The following TTYH3 variants were observed in gnomAD, a reference collection of about 807,000 sequenced individuals.
The protein encoded by TTYH3 is protein tweety homolog 3.
TTYH3 carries 23 observed loss-of-function variants against 68.2 expected under a neutral mutation model. The observed-to-expected ratio is 0.34, with a 90% confidence interval of 0.24 to 0.48. TTYH3 has a LOEUF of 0.48. Among genes scored for constraint, TTYH3 ranks in the 20% least tolerant of loss-of-function variants. The probability of loss-of-function intolerance (pLI) is 0.99; values close to 1 mark genes in which losing one functional copy is unlikely to be tolerated. For synonymous variants in TTYH3, 360 were observed against 332.8 expected (o/e 1.08, Z -0.89); for missense variants, 768 against 727.7 (o/e 1.06, Z -0.64).
intron 13 of TTYH3, among the ~76,000 whole-genome samples, chr7:2,659,686 G>A (rs943734237): frequency 2.6e-5 from 4 of 152,166 alleles, no homozygotes; most frequent in Non-Finnish European, 5.9e-5. Flanking sequence ...GAGGCCGAAG[G>A]CTGCCTTGCT....
At chr7:2,655,465 T>C (rs146877403) in intron 9 of TTYH3, among the ~76,000 whole-genome samples, 8 of 152,264 alleles carry the variant, frequency 5.3e-5, no homozygotes, top group Admixed American at 5.2e-4. Context: ...ATTTCAGGAT[T>C]GTAGTGGGTC....
chr7:2,639,403 G>A (rs567122893), intron 1 of TTYH3, among the ~76,000 whole-genome samples: 1 of 152,168 alleles, frequency 6.6e-6, no homozygotes, highest in Non-Finnish European at 1.5e-5. Context: ...CGGTACCCAC[G>A]ATGCTCCCCA....
In TTYH3 at chr7:2,645,953, T is replaced by A. The variant is rs943287040; in HGVS notation, c.124-900T>A. On this transcript the variant is annotated intron_variant, in intron 1 of 13. Coordinates refer to ENST00000258796, the MANE Select transcript of TTYH3 (RefSeq NM_025250.3). This position sits in a 1 kb window ranked among gnomAD's most constrained non-coding sequence, Gnocchi z 4.8. ...TCCTGGGGCTGTCTCGGGCTGGGGG[T>A]GAGGACAGTAGCTGATGCCGGCAGC... 2 of 422,572 alleles carry A rather than the reference T, an allele frequency of 4.7e-6. No homozygotes were observed. The highest frequency in any genetic ancestry group is 9.8e-6 in the Non-Finnish European group (2 of 204,044). 26.2% of individuals were successfully genotyped at this position (422,572 alleles called of 1,614,324 possible).
Position 2,632,037 on chromosome 7 carries a change from G to T in TTYH3, c.-119G>T, listed in dbSNP as rs1291901393. 1 of 937,266 alleles carries T rather than the reference G, an allele frequency of 1.1e-6. No individual in the cohort carries two copies. Among genetic ancestry groups the T allele is most frequent in the Admixed American group, 5.0e-5 (1 of 20,082 alleles). 58.1% of individuals were successfully genotyped at this position (937,266 alleles called of 1,614,324 possible). On this transcript the variant is annotated 5_prime_UTR_variant, in exon 1 of 14. Coordinates refer to ENST00000258796, the MANE Select transcript of TTYH3 (RefSeq NM_025250.3). ...CCGAGCCGGGCCGGGCCGGGCCCAG[G>T]AGCGCGCGGATGATGCGGGCGGCCA...
chr7:2,661,052 G>A (rs184123442), intron 13 of TTYH3, among the ~76,000 whole-genome samples: 1 of 125,688 alleles, frequency 8.0e-6, no homozygotes, highest in Non-Finnish European at 1.7e-5. Flanking sequence ...ACCCCCAGGA[G>A]CCCACAGTTG....
chr7:2,655,441 C>T (rs1021990392), intron 9 of TTYH3, among the ~76,000 whole-genome samples: 3 of 152,218 alleles, frequency 2.0e-5, no homozygotes, highest in South Asian at 2.1e-4. Flanking sequence ...CCACCGCTCC[C>T]GGCCCCAAAA....
At position 2,646,966 on chromosome 7, in the gene TTYH3, G is replaced by GGAC. The variant is rs1487904936; in HGVS notation, c.239_241dup (p.Asp80dup). ...GGCGGCGCAAGAGCGAGGAGCACCT[G>GGAC]GACGCCGACTGCTGCTGCACGGCCT... On this transcript the variant is annotated inframe_insertion, in exon 2 of 14. Transcript: ENST00000258796. 7 of 1,597,764 alleles carry GGAC rather than the reference G, an allele frequency of 4.4e-6. No individual in the cohort carries two copies. The highest frequency in any genetic ancestry group is 1.3e-5 in the African/African-American group (1 of 74,862).
At chr7:2,659,389 T>C (rs903179019) in intron 13 of TTYH3, among the ~76,000 whole-genome samples, 32 of 152,176 alleles carry the variant, frequency 2.1e-4, no homozygotes, top group Non-Finnish European at 3.8e-4. Context: ...GGCACGGCCC[T>C]GCACCAGGCC....
chr7:2,659,927 C>G, intron 13 of TTYH3: 1 of 1,302,234 alleles, frequency 7.7e-7, no homozygotes, highest in Non-Finnish European at 1.0e-6. Context: ...CCACCCACCC[C>G]GGGCCCTCCT....
chr7:2,634,685 C>T (rs961316281), intron 1 of TTYH3, among the ~76,000 whole-genome samples: 5 of 152,238 alleles, frequency 3.3e-5, no homozygotes, highest in African/African-American at 9.6e-5. Context: ...GTGAAACCCC[C>T]GGAGGGACCA....
chr7:2,656,632 C>G, intron 11 of TTYH3, 98 bp downstream of exon 11: 1 of 1,440,112 alleles, frequency 6.9e-7, no homozygotes, highest in Non-Finnish European at 9.2e-7. Context: ...GTGCCAGTCC[C>G]AGAGGTGAGG....
intron 1 of TTYH3, among the ~76,000 whole-genome samples, chr7:2,646,107 C>T (rs1010559729): frequency 3.3e-5 from 5 of 152,104 alleles, no homozygotes; most frequent in South Asian, 4.1e-4. Context: ...CTCCGCCACC[C>T]GGGTTCAAGT....
chr7:2,636,935 G>A (rs532066394), intron 1 of TTYH3, among the ~76,000 whole-genome samples: 1 of 152,284 alleles, frequency 6.6e-6, no homozygotes, highest in East Asian at 1.9e-4. Flanking sequence ...GGGTTCTCAA[G>A]CCCCTTCCTT....
chr7:2,662,744 C>T lies in TTYH3; in HGVS notation c.*1005C>T, dbSNP rs1169928511. On this transcript the variant is annotated 3_prime_UTR_variant, in exon 14 of 14. Coordinates refer to ENST00000258796, the MANE Select transcript of TTYH3 (RefSeq NM_025250.3). ...TGGGACTAACCACTAACCTCACCCC[C>T]AAACTCCACGGGTGCCCCTAGCTGG... is the stretch of plus-strand genomic sequence containing the variant. 6.5e-6 allele frequency: 1 copy of T among 152,860 alleles called. No homozygotes were observed. The highest frequency in any genetic ancestry group is 2.4e-5 in the African/African-American group (1 of 41,464). The allele number at this position is 152,860 out of a possible 1,614,324, so 9.5% of individuals were successfully genotyped here. A position where few individuals can be genotyped will look rare whatever the true frequency, so the allele number is the denominator to read the frequency against.
At position 2,658,728 on chromosome 7, in the gene TTYH3, C is replaced by T. The variant is rs188867007; in HGVS notation, c.1425-212C>T. Reference sequence around the variant, plus strand: ...CCAGCTACATGGTGAACAGGTGGCTCGGAGGGAGTGGACTCTGGCTGGGCC... The same window carrying T: ...CCAGCTACATGGTGAACAGGTGGCTTGGAGGGAGTGGACTCTGGCTGGGCC... On this transcript the variant is annotated intron_variant, in intron 12 of 13. Coordinates refer to ENST00000258796, the MANE Select transcript of TTYH3 (RefSeq NM_025250.3). Among the ~76,000 whole-genome samples the T allele has an allele frequency of 1.3e-4, 20 of 152,284 alleles. No individual in the cohort carries two copies. In the East Asian group the frequency reaches 1.9e-3, roughly 15 times the overall value.
intron 3 of TTYH3, 56 bp from the exon 4 acceptor site, chr7:2,647,362 A>G: frequency 1.4e-6 from 2 of 1,473,500 alleles, no homozygotes; most frequent in Admixed American, 2.3e-5. Context: ...GGAGGGGCCC[A>G]GACTCTGGGG....
In TTYH3 at chr7:2,632,137, G is replaced by C; in HGVS notation, c.-19G>C. 7.2e-7 allele frequency: 1 copy of C among 1,391,050 alleles called. No homozygotes were observed. Among genetic ancestry groups the C allele is most frequent in the Non-Finnish European group, 9.4e-7 (1 of 1,062,236 alleles). 86.2% of individuals were successfully genotyped at this position (1,391,050 alleles called of 1,614,324 possible). On this transcript the variant is annotated 5_prime_UTR_variant, in exon 1 of 14. Coordinates refer to ENST00000258796, the MANE Select transcript of TTYH3 (RefSeq NM_025250.3). ...GCCCCGCGCAGGCCGCGCGCATCCG[G>C]AGGCGGCCGGGCCCCGCCATGGCCG...
rs1206941891 is a variant in TTYH3, at chr7:2,652,909, C to G, written c.928-9C>G. 4.5e-6 allele frequency: 7 copies of G among 1,556,626 alleles called. No individual in the cohort carries two copies. Among genetic ancestry groups the G allele is most frequent in the South Asian group, 2.4e-5 (2 of 84,470 alleles). On this transcript the variant is annotated splice_polypyrimidine_tract_variant and intron_variant, in intron 8 of 13. Coordinates refer to ENST00000258796, the MANE Select transcript of TTYH3 (RefSeq NM_025250.3). ...AGCGCCCATGGACTTGGTCTCCTCT[C>G]TGGAGCAGAAGCTGTCGGGCAGCCA...
chr7:2,649,424 A>T (rs1786097789), intron 5 of TTYH3, 143 bp from the exon 6 acceptor site: 1 of 779,750 alleles, frequency 1.3e-6, no homozygotes. Flanking sequence ...GCTCTGGCTG[A>T]GGCCAGGCCA....
Sources: allele counts gnomAD v4.1 joint callset (sites outside exome capture counted in the v4.1 genomes callset), GRCh38; gene constraint gnomAD v4.1.1; non-coding constraint Gnocchi (gnomAD v3.1); transcripts MANE v1.5; gene names NCBI Gene and HGNC (gene_info 2026-07-23, HGNC 2026-07-21).